Variants in RAB38 observed in about 807,000 individuals in gnomAD.
RAB38 encodes the protein RAB38, member RAS oncogene family.
A neutral mutation model predicts 18.4 loss-of-function variants in RAB38; 15 were observed. That is an observed-to-expected ratio of 0.82 (90% CI 0.55 to 1.26). RAB38 has a LOEUF of 1.26. RAB38 is among the 50% of genes most tolerant of loss of function. RAB38 has a pLI of 0.00. For missense variants in RAB38, 294 were observed against 267.4 expected (o/e 1.10, Z -0.69); for synonymous variants, 101 against 104.4 (o/e 0.97, Z 0.20).
At chr11:88,017,931 C>A in the RAB38 span, among the ~76,000 whole-genome samples, 1 of 151,228 alleles carries the variant, frequency 6.6e-6, no homozygotes, top group Non-Finnish European at 1.5e-5. Context: ...ATTCTTGTCA[C>A]AGTGAATAAG....
the RAB38 span, among the ~76,000 whole-genome samples, chr11:87,808,968 C>G: frequency 2.0e-5 from 3 of 151,806 alleles, no homozygotes; most frequent in Non-Finnish European, 2.9e-5. Flanking sequence ...AGAAATAGAG[C>G]ACATAGCCTC....
chr11:87,825,630 T>C, the RAB38 span, among the ~76,000 whole-genome samples: 2 of 152,148 alleles, frequency 1.3e-5, no homozygotes, highest in African/African-American at 4.8e-5. Flanking sequence ...TATTGAAGAA[T>C]CTGGGGTTAG....
At chr11:88,028,967 G>A in the RAB38 span, among the ~76,000 whole-genome samples, 1 of 152,018 alleles carries the variant, frequency 6.6e-6, no homozygotes, top group African/African-American at 2.4e-5. Flanking sequence ...AAATGTTAAG[G>A]GCAGCCAGAG....
the RAB38 span, among the ~76,000 whole-genome samples, chr11:87,831,723 T>A: frequency 3.9e-5 from 6 of 152,184 alleles, no homozygotes; most frequent in Non-Finnish European, 8.8e-5. Context: ...ATGTGAGTGA[T>A]GGTAATAATG....
the RAB38 span, among the ~76,000 whole-genome samples, chr11:88,059,621 T>C: frequency 6.6e-6 from 1 of 152,228 alleles, no homozygotes; most frequent in African/African-American, 2.4e-5. Flanking sequence ...TCTGTGAGAC[T>C]ATTCAATAAT....
chr11:87,957,076 G>A, the RAB38 span, among the ~76,000 whole-genome samples: 6 of 151,804 alleles, frequency 4.0e-5, no homozygotes, highest in Admixed American at 3.9e-4. Context: ...TTATGAATCT[G>A]TCTATTGTTA....
At chr11:88,174,093 A>AT (rs1406753047) in intron 1 of RAB38, 8 of 985,302 alleles carry the variant, frequency 8.1e-6, no homozygotes, top group Non-Finnish European at 8.4e-6. Flanking sequence ...CCCATGGAGA[A>AT]TCCCAGAGGA....
the RAB38 span, among the ~76,000 whole-genome samples, chr11:87,841,897 A>G: frequency 6.6e-6 from 1 of 152,314 alleles, no homozygotes; most frequent in Non-Finnish European, 1.5e-5. Flanking sequence ...GGAGAATATG[A>G]ACATTTTGGA....
the RAB38 span, among the ~76,000 whole-genome samples, chr11:87,955,110 C>T: frequency 1.3e-5 from 2 of 152,186 alleles, no homozygotes; most frequent in Non-Finnish European, 2.9e-5. Flanking sequence ...TGTTCACTGG[C>T]CCATGGGTGC....
the RAB38 span, among the ~76,000 whole-genome samples, chr11:88,014,845 G>C: frequency 6.6e-6 from 1 of 152,114 alleles, no homozygotes; most frequent in Non-Finnish European, 1.5e-5. Context: ...GGCACTACTG[G>C]AAATGTTATT....
the RAB38 span, among the ~76,000 whole-genome samples, chr11:88,095,413 C>A: frequency 0.15 from 23,434 of 151,764 alleles, 2,085 homozygotes; most frequent in East Asian, 0.34. Context: ...AGTCTATCAG[C>A]AGCCTTTGAT....
chr11:88,125,694 T>C (rs1010058804), intron 2 of RAB38, among the ~76,000 whole-genome samples: 9 of 152,334 alleles, frequency 5.9e-5, no homozygotes, highest in Admixed American at 4.6e-4. Context: ...TAGTTTCTTT[T>C]GCTGTGCAGA....
chr11:87,927,017 ATAAAG>A, the RAB38 span, among the ~76,000 whole-genome samples: 1 of 152,110 alleles, frequency 6.6e-6, no homozygotes, highest in African/African-American at 2.4e-5. Flanking sequence ...CATCTGTATG[ATAAAG>A]TAAAGATTTT....
the RAB38 span, among the ~76,000 whole-genome samples, chr11:87,892,524 C>T: frequency 6.6e-6 from 1 of 151,808 alleles, no homozygotes; most frequent in Non-Finnish European, 1.5e-5. Flanking sequence ...CTGCTCAAAG[C>T]TTTTCAGGGA....
chr11:87,949,343 C>A, the RAB38 span, among the ~76,000 whole-genome samples: 2 of 152,104 alleles, frequency 1.3e-5, no homozygotes, highest in Non-Finnish European at 2.9e-5. Flanking sequence ...AAAACCAGAT[C>A]CTGGATTCAT....
chr11:87,933,320 T>C, the RAB38 span, among the ~76,000 whole-genome samples: 1 of 152,278 alleles, frequency 6.6e-6, no homozygotes, highest in South Asian at 2.1e-4. Flanking sequence ...CATTTTCCTC[T>C]GAGCCGTTCC....
At chr11:87,887,354 A>G in the RAB38 span, among the ~76,000 whole-genome samples, 1 of 151,984 alleles carries the variant, frequency 6.6e-6, no homozygotes, top group Non-Finnish European at 1.5e-5. Flanking sequence ...CAGTGGCCAA[A>G]ACAGGAATTT....
rs200491370 is a variant in RAB38, at chr11:88,175,245, G to A, written c.140C>T (p.Ala47Val). ...CGGGTCCCAGTGGAGCACCTTGAGCGCGAAGTCCACGCCGATTGTGGCCCG... is the reference window on the plus strand; with the variant it reads ...CGGGTCCCAGTGGAGCACCTTGAGCACGAAGTCCACGCCGATTGTGGCCCG... The part of the protein sequence containing the change: ...HYRATIGVDF[A>V]LKVLHWDPET... Residue 47 changes from alanine to valine, a missense_variant, in exon 1 of 3, where the codon GCG (alanine) becomes GTG (valine). Ala to Val is a moderately conservative substitution (Grantham distance 64). Coordinates refer to ENST00000243662, the MANE Select transcript of RAB38 (RefSeq NM_022337.3). 134 of 1,614,118 alleles carry A rather than the reference G, an allele frequency of 8.3e-5. No individual in the cohort carries two copies. Among genetic ancestry groups the A allele is most frequent in the Non-Finnish European group, 1.1e-4 (127 of 1,180,018 alleles).
At chr11:88,104,596 C>T in the RAB38 span, among the ~76,000 whole-genome samples, 316 of 152,160 alleles carry the variant, frequency 2.1e-3, no homozygotes, top group African/African-American at 7.2e-3. Flanking sequence ...TAATGATTAT[C>T]TTGTGGTGTT....
Sources: allele counts gnomAD v4.1 joint callset (sites outside exome capture counted in the v4.1 genomes callset), GRCh38; gene constraint gnomAD v4.1.1; transcripts MANE v1.5; gene names NCBI Gene and HGNC (gene_info 2026-07-23, HGNC 2026-07-21).